The following NPPC variants were observed in gnomAD, a reference collection of about 807,000 sequenced individuals.
NPPC encodes C-type natriuretic peptide.
Under a neutral mutation model 10.2 loss-of-function variants are expected in NPPC, and 4 were observed. That is an observed-to-expected ratio of 0.39 (90% CI 0.19 to 0.90). The LOEUF is 0.90. NPPC is among the 40% of genes least tolerant of loss of function. The pLI is 0.37. For synonymous variants in NPPC, 83 were observed against 87.3 expected (o/e 0.95, Z 0.27); for missense variants, 182 against 173.8 (o/e 1.05, Z -0.26).
chr2:231,926,067 C>A, intron 1 of NPPC, 93 bp downstream of exon 1: 1 of 1,016,628 alleles, frequency 9.8e-7, no homozygotes, highest in Non-Finnish European at 1.3e-6. Flanking sequence ...AGCCGCCTGC[C>A]TTCCCTCTCT....
chr2:231,923,318 C>T (rs867725195), intron 2 of NPPC, among the ~76,000 whole-genome samples: 3 of 152,384 alleles, frequency 2.0e-5, no homozygotes, highest in South Asian at 4.1e-4. Flanking sequence ...ACAATGAATA[C>T]CTAGAACCAT....
chr2:231,926,252 T>A lies in NPPC; in HGVS notation c.-3A>T. On this transcript the variant is annotated 5_prime_UTR_variant, in exon 1 of 3. Coordinates refer to ENST00000409852, the MANE Select transcript of NPPC (RefSeq NM_024409.4). ...GCCAGCAGCTGGGAGAGATGCATGG[T>A]GCCGCTGGGGTCGAGGGGCGCACAC... The A allele has an allele frequency of 7.7e-7, 1 of 1,302,524 alleles. No individual in the cohort carries two copies. The highest frequency in any genetic ancestry group is 9.8e-7 in the Non-Finnish European group (1 of 1,022,724). The allele number at this position is 1,302,524 out of a possible 1,614,324, so 80.7% of individuals were successfully genotyped here.
chr2:231,925,274 TA>T, intron 2 of NPPC, 130 bp downstream of exon 2: 1 of 707,494 alleles, frequency 1.4e-6, no homozygotes. Flanking sequence ...TAAAGTGGGA[TA>T]ATAAAGGGGG....
intron 1 of NPPC, 143 bp downstream of exon 1, chr2:231,926,017 G>C: frequency 1.4e-6 from 1 of 691,156 alleles, no homozygotes. Flanking sequence ...CGCGCTTCGA[G>C]GGCTCCCCGG....
In NPPC at chr2:231,926,313, C is replaced by G. The variant is rs1692008743; in HGVS notation, c.-64G>C. 2 of 1,092,728 alleles carry G rather than the reference C, an allele frequency of 1.8e-6. No individual in the cohort carries two copies. The highest frequency in any genetic ancestry group is 6.4e-5 in the East Asian group (2 of 31,120). The allele number at this position is 1,092,728 out of a possible 1,614,324, so 67.7% of individuals were successfully genotyped here. ...GAGGGCGCGCAGGTCGGCGGGCAGA[C>G]CAGCAGGGGGATGCGGAGCAGGCTG... is the stretch of plus-strand genomic sequence containing the variant. On this transcript the variant is annotated 5_prime_UTR_variant, in exon 1 of 3. Coordinates refer to ENST00000409852, the MANE Select transcript of NPPC (RefSeq NM_024409.4).
intron 2 of NPPC, among the ~76,000 whole-genome samples, chr2:231,923,844 G>A (rs1398970579): frequency 6.6e-6 from 1 of 152,252 alleles, no homozygotes; most frequent in African/African-American, 2.4e-5. Flanking sequence ...AACCAATGGA[G>A]AGTCACTAAC....
At chr2:231,922,772 G>A (rs572108577) in intron 2 of NPPC, among the ~76,000 whole-genome samples, 24 of 152,304 alleles carry the variant, frequency 1.6e-4, no homozygotes, top group Admixed American at 3.9e-4. Flanking sequence ...CTACTCTGAC[G>A]TTGGGTCCCT....
Position 231,925,436 on chromosome 2 carries a change from G to C in NPPC, c.370C>G (p.Leu124Val). 6.2e-7 allele frequency: 1 copy of C among 1,605,032 alleles called. No homozygotes were observed. ...KLDRIGSMSG[L>V]GC The stretch of plus-strand genomic sequence containing the variant: ...CAGGGGGCGCCGCACTAACATCCCA[G>C]GCCGCTCATGGAGCCGATTCGGTCC... The change falls in exon 2 of 3, where the codon CTG becomes GTG. Residue 124 changes from leucine (L) to valine (V), a missense_variant. Physicochemically the swap from Leu to Val is conservative, Grantham distance 32. Coordinates refer to ENST00000409852, the MANE Select transcript of NPPC (RefSeq NM_024409.4).
chr2:231,924,716 A>C (rs1418430870), intron 2 of NPPC, among the ~76,000 whole-genome samples: 1 of 152,112 alleles, frequency 6.6e-6, no homozygotes, highest in African/African-American at 2.4e-5. Context: ...AGCCCAGAGC[A>C]CCGGTTGGGT....
chr2:231,925,821 C>G (rs1691999197), intron 1 of NPPC, 106 bp from the exon 2 acceptor site: 1 of 1,281,138 alleles, frequency 7.8e-7, no homozygotes, highest in East Asian at 2.9e-5. Context: ...CCCTCCCAAG[C>G]CCAGAGCCGC....
chr2:231,923,444 C>T (rs1691957438), intron 2 of NPPC, among the ~76,000 whole-genome samples: 1 of 152,212 alleles, frequency 6.6e-6, no homozygotes, highest in South Asian at 2.1e-4. Flanking sequence ...TCTCTTTACG[C>T]CCAGTGATAT....
intron 2 of NPPC, among the ~76,000 whole-genome samples, chr2:231,923,407 A>G (rs1027377122): frequency 1.9e-4 from 29 of 152,356 alleles, no homozygotes; most frequent in Admixed American, 6.5e-5. Flanking sequence ...AAGAGTTTTC[A>G]TTAATGTGAA....
At position 231,925,351 on chromosome 2, in the gene NPPC, C is replaced by A. The variant is rs1402949665; in HGVS notation, c.*20+54G>T. Reference sequence around the variant, plus strand: ...CGCGCGCCTCCGAAGGCCGGCTGGGCGGCGGGCGGTCCCGGGCCGGGCTGG... The same window carrying A: ...CGCGCGCCTCCGAAGGCCGGCTGGGAGGCGGGCGGTCCCGGGCCGGGCTGG... On this transcript the variant is annotated intron_variant, in intron 2 of 2. Transcript: ENST00000409852. 2.2e-6 allele frequency: 3 copies of A among 1,374,702 alleles called. No individual in the cohort carries two copies. In the African/African-American group the frequency reaches 4.6e-5, roughly 21 times the overall value. The allele number at this position is 1,374,702 out of a possible 1,614,324, so 85.2% of individuals were successfully genotyped here.
intron 2 of NPPC, among the ~76,000 whole-genome samples, chr2:231,924,133 G>C (rs939626605): frequency 2.0e-5 from 3 of 152,264 alleles, no homozygotes; most frequent in Admixed American, 6.5e-5. Flanking sequence ...TTAAAACCTC[G>C]GGCAGGTGGG....
intron 2 of NPPC, among the ~76,000 whole-genome samples, chr2:231,922,782 T>C (rs1311816015): frequency 1.3e-5 from 2 of 152,198 alleles, no homozygotes; most frequent in Admixed American, 1.3e-4. Context: ...GTTGGGTCCC[T>C]GGATGACCCT....
chr2:231,924,655 G>T (rs1691974263), intron 2 of NPPC, among the ~76,000 whole-genome samples: 1 of 152,232 alleles, frequency 6.6e-6, no homozygotes, highest in Admixed American at 6.5e-5. Flanking sequence ...GGTGGCGGTA[G>T]GGCAGAGGTT....
At chr2:231,925,995 G>T (rs1692002291) in intron 1 of NPPC, among the ~76,000 whole-genome samples, 165 bp downstream of exon 1, 1 of 152,280 alleles carries the variant, frequency 6.6e-6, no homozygotes, top group African/African-American at 2.4e-5. Context: ...TGGAGAAGTG[G>T]ACCCCCGAAT....
rs1326966614 is a variant in NPPC at position 231,921,846 on chromosome 2, CA to C, written c.*489del. On this transcript the variant is annotated 3_prime_UTR_variant, in exon 3 of 3. Coordinates refer to ENST00000409852, the MANE Select transcript of NPPC (RefSeq NM_024409.4). ...TCATGGAATGACTTTTTTTTTTTTA[CA>C]TTTTTTTTAACTAGTTAGGACAAAA... 2.7e-5 allele frequency: 4 copies of C among 150,102 alleles called. No homozygotes were observed. The highest frequency in any genetic ancestry group is 4.4e-5 in the Non-Finnish European group (3 of 67,534). 9.3% of individuals were successfully genotyped at this position (150,102 alleles called of 1,614,324 possible).
rs1296221719 is a variant in NPPC, at chr2:231,925,460, C to T, written c.346G>A (p.Asp116Asn). The change falls in exon 2 of 3, where the codon GAC (aspartate) becomes AAC (asparagine). Residue 116 changes from aspartate (D) to asparagine (N), a missense_variant. Transcript: ENST00000409852. Reference protein sequence around the residue: ...LSKGCFGLKLDRIGSMSGLGC With the variant: ...LSKGCFGLKLNRIGSMSGLGC ...AGGCCGCTCATGGAGCCGATTCGGT[C>T]CAGCTTGAGGCCGAAGCAGCCCTTG... The T allele has an allele frequency of 6.2e-7, 1 of 1,611,782 alleles. No individual in the cohort carries two copies. The highest frequency in any genetic ancestry group is 8.5e-7 in the Non-Finnish European group (1 of 1,179,202).
Sources: allele counts gnomAD v4.1 joint callset (sites outside exome capture counted in the v4.1 genomes callset), GRCh38; gene constraint gnomAD v4.1.1; transcripts MANE v1.5; gene names NCBI Gene and HGNC (gene_info 2026-07-23, HGNC 2026-07-21).